FBXL17: variants seen among roughly 807,000 people sequenced by gnomAD.
FBXL17 encodes the protein F-box and leucine rich repeat protein 17.
In FBXL17, 22 loss-of-function variants were observed where a neutral mutation model predicts 66.2. The ratio of observed to expected loss-of-function variants is 0.33; its 90% CI spans 0.24 to 0.47. The LOEUF (loss-of-function observed/expected upper bound fraction) is 0.47. FBXL17 is among the 20% of genes least tolerant of loss of function. FBXL17 has a pLI of 1.00. For synonymous variants in FBXL17, 474 were observed against 400.5 expected (o/e 1.18, Z -2.19); for missense variants, 878 against 948.2 (o/e 0.93, Z 0.97).
At chr5:108,036,357 G>A (rs1028334139) in intron 6 of FBXL17, among the ~76,000 whole-genome samples, 45 of 152,124 alleles carry the variant, frequency 3.0e-4, no homozygotes, top group Admixed American at 2.3e-3. Flanking sequence ...TATTTTGCGT[G>A]GCTGAGTCAG....
At chr5:108,251,721 C>T (rs552815187) in intron 4 of FBXL17, among the ~76,000 whole-genome samples, 1 of 152,200 alleles carries the variant, frequency 6.6e-6, no homozygotes, top group African/African-American at 2.4e-5. Flanking sequence ...ACACATTTCT[C>T]CACATTATAT....
chr5:108,003,191 A>G (rs1753800529), intron 7 of FBXL17, among the ~76,000 whole-genome samples: 1 of 152,206 alleles, frequency 6.6e-6, no homozygotes, highest in Admixed American at 6.5e-5. Context: ...AGGGGAAAAA[A>G]TATCTCCTCT....
chr5:107,958,162 T>G (rs1455319048), intron 7 of FBXL17, among the ~76,000 whole-genome samples: 2 of 151,422 alleles, frequency 1.3e-5, no homozygotes, highest in African/African-American at 4.9e-5. Flanking sequence ...GAAACATGAG[T>G]AAAAAGAAAA....
intron 6 of FBXL17, among the ~76,000 whole-genome samples, chr5:108,145,020 G>C (rs565886822): frequency 1.2e-4 from 19 of 152,194 alleles, no homozygotes; most frequent in African/African-American, 4.1e-4. Flanking sequence ...ATCAAAACCT[G>C]CTAGAACCAA....
At chr5:108,042,259 G>GTCTC (rs941807517) in intron 6 of FBXL17, among the ~76,000 whole-genome samples, 1 of 152,152 alleles carries the variant, frequency 6.6e-6, no homozygotes, top group African/African-American at 2.4e-5. Context: ...GAAAGACGTA[G>GTCTC]AGAGAGCCCA....
chr5:108,014,697 C>T (rs936054627), intron 7 of FBXL17, among the ~76,000 whole-genome samples: 2 of 152,112 alleles, frequency 1.3e-5, no homozygotes, highest in African/African-American at 2.4e-5. Flanking sequence ...TAATTAAATA[C>T]CAAATTTTGG....
intron 7 of FBXL17, among the ~76,000 whole-genome samples, chr5:107,976,574 T>C (rs1036569886): frequency 3.9e-5 from 6 of 152,238 alleles, no homozygotes; most frequent in Admixed American, 6.5e-5. Context: ...CATGATTGTC[T>C]AGTTTAGGCT....
chr5:108,103,894 T>G (rs968777541), intron 6 of FBXL17, among the ~76,000 whole-genome samples: 1 of 152,216 alleles, frequency 6.6e-6, no homozygotes, highest in Admixed American at 6.5e-5. Flanking sequence ...AACTTTTTGT[T>G]GATTTACCCT....
chr5:108,056,914 A>G (rs919998253), intron 6 of FBXL17, among the ~76,000 whole-genome samples: 8 of 152,250 alleles, frequency 5.3e-5, no homozygotes, highest in African/African-American at 1.9e-4. Flanking sequence ...TCACTTGGAA[A>G]GTGAACTATG....
In FBXL17 at chr5:108,112,060, G is replaced by A. The variant is rs1286937500; in HGVS notation, c.1745+74057C>T. Reference sequence around the variant, plus strand: ...AAGGAGATCCCAAACAGGCCCAACAGTCTTGCTTGGCTTAGGAGACAGAGT... The same window carrying A: ...AAGGAGATCCCAAACAGGCCCAACAATCTTGCTTGGCTTAGGAGACAGAGT... On this transcript the variant is annotated intron_variant, in intron 6 of 8. Coordinates refer to ENST00000542267, the MANE Select transcript of FBXL17 (RefSeq NM_001163315.3). 2.0e-5 allele frequency among the ~76,000 whole-genome samples: 3 copies of A among 152,322 alleles called. No individual in the cohort carries two copies. In the South Asian group the frequency reaches 6.2e-4, roughly 32 times the overall value.
intron 6 of FBXL17, among the ~76,000 whole-genome samples, chr5:108,180,577 A>G (rs1752962485): frequency 6.6e-6 from 1 of 152,154 alleles, no homozygotes; most frequent in South Asian, 2.1e-4. Context: ...ATAAAATAGC[A>G]ATATTTTGTA....
chr5:108,328,324 T>TA (rs1485253028), intron 4 of FBXL17, among the ~76,000 whole-genome samples: 11 of 151,782 alleles, frequency 7.2e-5, no homozygotes, highest in African/African-American at 1.9e-4. Context: ...GGGCATTATT[T>TA]AAAAAAAATA....
chr5:108,104,814 G>A (rs1368607566), intron 6 of FBXL17, among the ~76,000 whole-genome samples: 5 of 152,060 alleles, frequency 3.3e-5, no homozygotes, highest in Non-Finnish European at 4.4e-5. Flanking sequence ...AGTACTTTGG[G>A]GAGTACACAA....
At chr5:108,327,741 C>G (rs1042789342) in intron 4 of FBXL17, among the ~76,000 whole-genome samples, 1 of 152,166 alleles carries the variant, frequency 6.6e-6, no homozygotes, top group Non-Finnish European at 1.5e-5. Context: ...CCTTGCTAAG[C>G]TCTCAGTAAG....
intron 7 of FBXL17, among the ~76,000 whole-genome samples, chr5:108,014,959 G>A (rs536703027): frequency 3.3e-5 from 5 of 152,102 alleles, no homozygotes; most frequent in Non-Finnish European, 4.4e-5. Flanking sequence ...ATTCACTACC[G>A]CCACAACAGT....
chr5:108,259,876 G>C (rs1040032918), intron 4 of FBXL17, among the ~76,000 whole-genome samples: 1 of 152,012 alleles, frequency 6.6e-6, no homozygotes, highest in African/African-American at 2.4e-5. Flanking sequence ...TTAAAACCTA[G>C]GCTAAGTTGA....
At chr5:108,196,835 A>G (rs558281723) in intron 5 of FBXL17, among the ~76,000 whole-genome samples, 31 of 152,332 alleles carry the variant, frequency 2.0e-4, no homozygotes, top group African/African-American at 6.3e-4. Flanking sequence ...TTTCAGAACA[A>G]GAAGCATAAT....
intron 4 of FBXL17, among the ~76,000 whole-genome samples, chr5:108,308,961 C>A (rs1021038688): frequency 6.6e-6 from 1 of 151,982 alleles, no homozygotes; most frequent in Non-Finnish European, 1.5e-5. Context: ...CCCTCCAGAT[C>A]CCAAAATTTC....
At chr5:107,882,577 G>A (rs10045396) in intron 7 of FBXL17, among the ~76,000 whole-genome samples, 47,817 of 151,862 alleles carry the variant, frequency 0.31, 7,720 homozygotes, top group South Asian at 0.42. Flanking sequence ...GTTTTCCAAG[G>A]GGTTTGGGGG....
Sources: gnomAD v4.1 joint callset for allele counts (sites outside exome capture counted in the v4.1 genomes callset) on GRCh38, gnomAD v4.1.1 for gene constraint, MANE v1.5 for transcripts, NCBI Gene and HGNC (gene_info 2026-07-23, HGNC 2026-07-21) for gene names.